Variants in PTPRD observed in about 807,000 individuals in gnomAD.
PTPRD encodes the protein receptor-type tyrosine-protein phosphatase delta.
A neutral mutation model predicts 214.5 loss-of-function variants in PTPRD; 34 were observed. The observed-to-expected ratio is 0.16, with a 90% CI of 0.12 to 0.21. PTPRD has a LOEUF of 0.21. Among genes scored for constraint, PTPRD ranks in the 10% least tolerant of loss-of-function variants. The pLI is 1.00. For missense variants in PTPRD, 2,545 were observed against 2,398.7 expected, an observed-to-expected ratio of 1.06 and a Z score of -1.27; for synonymous variants, 1,128 against 845.7, an observed-to-expected ratio of 1.33 and a Z score of -5.79.
At chr9:9,185,354 C>T (rs557716261) in intron 9 of PTPRD, among the ~76,000 whole-genome samples, 2 of 152,120 alleles carry the variant, frequency 1.3e-5, no homozygotes, top group Admixed American at 6.6e-5. Context: ...CTCCCTTTCC[C>T]CTAGAGTCAA....
intron 9 of PTPRD, among the ~76,000 whole-genome samples, chr9:9,245,563 G>A (rs557147726): frequency 6.6e-6 from 1 of 151,144 alleles, no homozygotes; most frequent in African/African-American, 2.4e-5. Flanking sequence ...GGTGGGAATT[G>A]AACAATGAGA....
chr9:9,022,958 A>T (rs1172368589), intron 10 of PTPRD, among the ~76,000 whole-genome samples: 1 of 152,158 alleles, frequency 6.6e-6, no homozygotes, highest in Non-Finnish European at 1.5e-5. Context: ...TTTTCAAAGT[A>T]ATGTTCAGCC....
At position 8,317,398 on chromosome 9, in the gene PTPRD, C is replaced by T; in HGVS notation, c.*476G>A. On this transcript the variant is annotated 3_prime_UTR_variant, in exon 46 of 46. Coordinates refer to ENST00000381196, the MANE Select transcript of PTPRD (RefSeq NM_002839.4). ...CTAAATCAAGGACTTTCTTTTTAAA[C>T]ATTCCCTCCCCTTTCCCCCTAAAAT... is the stretch of plus-strand genomic sequence containing the variant. 1 of 232,940 alleles carries T rather than the reference C, an allele frequency of 4.3e-6. No homozygotes were observed. The highest frequency in any genetic ancestry group is 1.8e-4 in the South Asian group (1 of 5,552). 14.4% of individuals were successfully genotyped at this position (232,940 alleles called of 1,614,324 possible). A position where few individuals can be genotyped will look rare whatever the true frequency, so the allele number is the denominator to read the frequency against.
At chr9:9,040,016 A>G (rs981953018) in intron 10 of PTPRD, among the ~76,000 whole-genome samples, 2 of 151,494 alleles carry the variant, frequency 1.3e-5, no homozygotes, top group Non-Finnish European at 2.9e-5. Context: ...AAAAATTCCT[A>G]CTTTACAGAT....
chr9:9,359,614 T>C (rs2055222854), intron 9 of PTPRD, among the ~76,000 whole-genome samples: 1 of 151,226 alleles, frequency 6.6e-6, no homozygotes, highest in Non-Finnish European at 1.5e-5. Context: ...ATTACTCACA[T>C]GGAGATGTGG....
chr9:8,365,436 T>A, intron 39 of PTPRD, among the ~76,000 whole-genome samples: 1 of 152,208 alleles, frequency 6.6e-6, no homozygotes, highest in Non-Finnish European at 1.5e-5. Flanking sequence ...ACTTTTTTCC[T>A]ACTTTCTTAC....
chr9:8,395,879 GTTGGGGAA>G (rs962507084), intron 36 of PTPRD, among the ~76,000 whole-genome samples: 1 of 152,058 alleles, frequency 6.6e-6, no homozygotes, highest in African/African-American at 2.4e-5. Context: ...AGCAACATGA[GTTGGGGAA>G]TTACCAGCAC....
In PTPRD at chr9:8,442,456, G is replaced by C. The variant is rs556859545; in HGVS notation, c.3989-5767C>G. On this transcript the variant is annotated intron_variant, in intron 34 of 45. Transcript: ENST00000381196. Reference sequence around the variant, plus strand: ...TACATCTTTTACATGATTTTTTTCTGTCACTATATACGTGTGTTTGTAATG... The same window carrying C: ...TACATCTTTTACATGATTTTTTTCTCTCACTATATACGTGTGTTTGTAATG... 2.6e-5 allele frequency among the ~76,000 whole-genome samples: 4 copies of C among 152,068 alleles called. No homozygotes were observed. In the South Asian group the frequency reaches 8.3e-4, roughly 32 times the overall value.
intron 5 of PTPRD, among the ~76,000 whole-genome samples, chr9:9,849,737 C>T (rs1414066504): frequency 6.6e-6 from 1 of 152,114 alleles, no homozygotes; most frequent in Admixed American, 6.6e-5. Context: ...TAGCTGTGTG[C>T]TAATTTGAGT....
intron 8 of PTPRD, among the ~76,000 whole-genome samples, chr9:9,508,561 C>T (rs1318507702): frequency 1.3e-5 from 2 of 151,664 alleles, no homozygotes; most frequent in Admixed American, 1.3e-4. Flanking sequence ...TGACATTTCT[C>T]CTCTTACATT....
At chr9:9,318,830 C>T (rs561134545) in intron 9 of PTPRD, among the ~76,000 whole-genome samples, 11 of 152,206 alleles carry the variant, frequency 7.2e-5, no homozygotes, top group South Asian at 4.1e-4. Flanking sequence ...TCCTTGTTGA[C>T]GTTCAAATGC....
intron 9 of PTPRD, among the ~76,000 whole-genome samples, chr9:9,347,524 C>G (rs1037969429): frequency 6.6e-6 from 1 of 151,942 alleles, no homozygotes; most frequent in East Asian, 1.9e-4. Flanking sequence ...ACAGGTGATG[C>G]AGAGTGGGTG....
intron 12 of PTPRD, among the ~76,000 whole-genome samples, chr9:8,666,183 T>C (rs751242025): frequency 2.0e-5 from 3 of 151,436 alleles, no homozygotes; most frequent in Non-Finnish European, 4.4e-5. Flanking sequence ...AATTGAAGAT[T>C]TTTTTCCCCT....
intron 2 of PTPRD, among the ~76,000 whole-genome samples, chr9:10,503,182 C>A (rs557438897): frequency 1.8e-5 from 1 of 56,038 alleles, no homozygotes; most frequent in African/African-American, 5.7e-5. Flanking sequence ...CATTGAGACA[C>A]AGCTGCAATA....
chr9:9,922,944 T>TA (rs2083000239), intron 5 of PTPRD, among the ~76,000 whole-genome samples: 2 of 132,362 alleles, frequency 1.5e-5, no homozygotes, highest in South Asian at 4.8e-4. Context: ...TGTAATATAC[T>TA]GCTAGTATTC....
intron 9 of PTPRD, among the ~76,000 whole-genome samples, chr9:9,342,352 A>C (rs1396976223): frequency 6.6e-6 from 1 of 152,178 alleles, no homozygotes; most frequent in African/African-American, 2.4e-5. Context: ...AAGATGGGGA[A>C]AATAAATTTG....
intron 9 of PTPRD, among the ~76,000 whole-genome samples, chr9:9,220,911 A>T (rs2099955560): frequency 6.6e-6 from 1 of 152,080 alleles, no homozygotes; most frequent in African/African-American, 2.4e-5. Flanking sequence ...GCAGGTTGAT[A>T]ACCTGGTGTA....
chr9:9,771,615 T>C lies in PTPRD; in HGVS notation c.-367-4764A>G, dbSNP rs115982945. Among the ~76,000 whole-genome samples, 751 of 152,318 alleles carry C rather than the reference T, an allele frequency of 4.9e-3. 6 individuals carry two copies. The highest frequency in any genetic ancestry group is 0.017 in the African/African-American group (714 of 41,574). On this transcript the variant is annotated intron_variant, in intron 5 of 45. Transcript: ENST00000381196. ...TTAAGCCTTTAAAATAACTTACTTT[T>C]TTCAACCTATCTTGGAGGAACTTTT... is the stretch of plus-strand genomic sequence containing the variant.
At chr9:9,703,685 GA>G (rs1192832189) in intron 7 of PTPRD, among the ~76,000 whole-genome samples, 1 of 152,124 alleles carries the variant, frequency 6.6e-6, no homozygotes, top group African/African-American at 2.4e-5. Context: ...CTCCCTGAGA[GA>G]AAATCTATTT....
Sources: allele counts gnomAD v4.1 joint callset (sites outside exome capture counted in the v4.1 genomes callset), GRCh38; gene constraint gnomAD v4.1.1; transcripts MANE v1.5; gene names NCBI Gene and HGNC (gene_info 2026-07-23, HGNC 2026-07-21).